Variants in PLCE1 observed in about 807,000 individuals in gnomAD.
PLCE1 encodes the protein 1-phosphatidylinositol 4,5-bisphosphate phosphodiesterase epsilon-1.
In PLCE1, 119 loss-of-function variants were observed where a neutral mutation model predicts 242.8. The ratio of observed to expected loss-of-function variants is 0.49; its 90% CI spans 0.42 to 0.57. The LOEUF is 0.57. Among genes scored for constraint, PLCE1 ranks in the 20% least tolerant of loss-of-function variants. The probability of loss-of-function intolerance (pLI) is 0.00; values close to 1 mark genes in which losing one functional copy is unlikely to be tolerated. For synonymous variants in PLCE1, 945 were observed against 1,017.4 expected (o/e 0.93, Z 1.35); for missense variants, 2,441 against 2,788.8 (o/e 0.88, Z 2.81).
rs754117196 is a variant in PLCE1 at position 94,265,957 on chromosome 10, A to G, written c.4280A>G (p.Gln1427Arg). ...KGESSVELYSQVLLQGCRSVE... is the reference protein window; with the variant it reads ...KGESSVELYSRVLLQGCRSVE... Reference sequence around the variant, plus strand: ...GAATCCTCGGTAGAACTCTACAGCCAGGTACAGGGAATGCCACTTGGAATG... The same window carrying G: ...GAATCCTCGGTAGAACTCTACAGCCGGGTACAGGGAATGCCACTTGGAATG... The change falls in exon 16 of 33, where the codon CAG (glutamine) becomes CGG (arginine). Residue 1427 changes from glutamine (Q) to arginine (R), a missense_variant and splice_region_variant. Physicochemically the swap from Gln to Arg is conservative, Grantham distance 43 (BLOSUM62 1). Transcript: ENST00000371380. 1.2e-5 allele frequency: 20 copies of G among 1,613,884 alleles called. No individual in the cohort carries two copies. The highest frequency in any genetic ancestry group is 1.6e-5 in the Non-Finnish European group (19 of 1,179,864).
chr10:94,236,715 G>C (rs1245509871), intron 7 of PLCE1, among the ~76,000 whole-genome samples: 2 of 152,106 alleles, frequency 1.3e-5, no homozygotes, highest in African/African-American at 4.8e-5. Flanking sequence ...AGTAATTCCA[G>C]TTTCTCAGAG....
chr10:93,994,172 A>T lies in PLCE1; in HGVS notation c.-451A>T, dbSNP rs2060774178. 6.6e-6 allele frequency among the ~76,000 whole-genome samples: 1 copy of T among 151,906 alleles called. No homozygotes were observed. Among genetic ancestry groups the T allele is most frequent in the African/African-American group, 2.4e-5 (1 of 41,394 alleles). The stretch of plus-strand genomic sequence containing the variant: ...TGACACACAGTAGCGGGGACACCCG[A>T]CGCCGCTAGCGACAGGCGCGCGGAC... On this transcript the variant is annotated 5_prime_UTR_variant, in exon 1 of 33. Coordinates refer to ENST00000371380, the MANE Select transcript of PLCE1 (RefSeq NM_016341.4).
intron 8 of PLCE1, among the ~76,000 whole-genome samples, chr10:94,247,802 C>T (rs1564826437): frequency 6.6e-6 from 1 of 152,102 alleles, no homozygotes; most frequent in Non-Finnish European, 1.5e-5. Flanking sequence ...AGCGTGGCAA[C>T]AGGGCTGGGC....
chr10:94,121,760 C>G (rs1383235729), intron 2 of PLCE1, among the ~76,000 whole-genome samples: 1 of 152,102 alleles, frequency 6.6e-6, no homozygotes, highest in African/African-American at 2.4e-5. Context: ...CTCTGCTGTC[C>G]CATCTCTGCT....
chr10:94,153,660 C>T (rs1272367562), intron 3 of PLCE1, among the ~76,000 whole-genome samples: 1 of 152,116 alleles, frequency 6.6e-6, no homozygotes, highest in Non-Finnish European at 1.5e-5. Context: ...CACTAAAACA[C>T]TATTAGAATT....
chr10:94,233,962 T>C, intron 5 of PLCE1, 92 bp from the exon 6 acceptor site: 1 of 1,198,814 alleles, frequency 8.3e-7, no homozygotes, highest in Non-Finnish European at 1.2e-6. Flanking sequence ...AAAAAAATGG[T>C]AAAAAGAATG....
At chr10:94,137,830 T>G (rs1483716542) in intron 3 of PLCE1, 8 of 233,248 alleles carry the variant, frequency 3.4e-5, no homozygotes, top group Non-Finnish European at 7.0e-5. Flanking sequence ...CAATGAAGCT[T>G]TACCAATTCT....
At chr10:94,277,737 T>C (rs927465925) in intron 19 of PLCE1, among the ~76,000 whole-genome samples, 1 of 152,120 alleles carries the variant, frequency 6.6e-6, no homozygotes, top group African/African-American at 2.4e-5. Flanking sequence ...TCCCAAAGTT[T>C]TGAAGAACAC....
chr10:94,307,702 A>G (rs554950493), intron 26 of PLCE1, among the ~76,000 whole-genome samples: 4 of 152,226 alleles, frequency 2.6e-5, no homozygotes, highest in African/African-American at 9.6e-5. Context: ...CCCTCTTCTC[A>G]TAAGGACACC....
intron 3 of PLCE1, among the ~76,000 whole-genome samples, chr10:94,134,480 C>T (rs2046704846): frequency 6.6e-6 from 1 of 152,198 alleles, no homozygotes; most frequent in African/African-American, 2.4e-5. Flanking sequence ...AGATGGGTTT[C>T]TCACCACAAA....
intron 1 of PLCE1, among the ~76,000 whole-genome samples, chr10:94,000,417 T>A (rs2060911136): frequency 6.6e-6 from 1 of 152,230 alleles, no homozygotes; most frequent in South Asian, 2.1e-4. Flanking sequence ...GTAACAGTAG[T>A]ACCTATCAAA....
Position 94,321,905 on chromosome 10 carries a change from T to C in PLCE1, c.6347T>C (p.Leu2116Pro). The change falls in exon 30 of 33, where the codon CTA (leucine) becomes CCA (proline). Residue 2116 changes from leucine to proline, a missense_variant. By Grantham distance (98) the Leu-to-Pro change is moderately conservative (BLOSUM62 -3). Coordinates refer to ENST00000371380, the MANE Select transcript of PLCE1 (RefSeq NM_016341.4). Reference protein sequence around the residue: ...RIVLKTQQENLEEKNIVQDDK... With the variant: ...RIVLKTQQENPEEKNIVQDDK... The stretch of plus-strand genomic sequence containing the variant: ...ATTTTTTCTTTTTAAACATAGAACC[T>C]AGAAGAGAAAAACATTGTTCAAGAT... 6.2e-7 allele frequency: 1 copy of C among 1,612,450 alleles called. No homozygotes were observed. Among genetic ancestry groups the C allele is most frequent in the South Asian group, 1.1e-5 (1 of 91,052 alleles).
intron 5 of PLCE1, among the ~76,000 whole-genome samples, chr10:94,233,017 C>A (rs896387828): frequency 6.6e-6 from 1 of 152,218 alleles, no homozygotes; most frequent in African/African-American, 2.4e-5. Context: ...AGCTCTCCCA[C>A]AATTCCCCCC....
At chr10:94,006,379 G>A (rs531108620) in intron 1 of PLCE1, among the ~76,000 whole-genome samples, 1 of 152,218 alleles carries the variant, frequency 6.6e-6, no homozygotes, top group Non-Finnish European at 1.5e-5. Flanking sequence ...AGAAGGTAAG[G>A]ATCCATGAAA....
chr10:94,210,044 G>A (rs971594698), intron 4 of PLCE1, among the ~76,000 whole-genome samples: 4 of 151,948 alleles, frequency 2.6e-5, no homozygotes, highest in Non-Finnish European at 5.9e-5. Context: ...CCTACCCTAC[G>A]CATCTAGTAC....
chr10:94,283,645 C>T, intron 20 of PLCE1, 145 bp from the exon 21 acceptor site: 1 of 829,596 alleles, frequency 1.2e-6, no homozygotes, highest in Non-Finnish European at 2.0e-6. Flanking sequence ...TGCTTCAAGC[C>T]ATCATTTTGT....
rs576080822 is a variant in PLCE1, at chr10:94,237,898, ATCTGGCTGAAACAGAGAC to A, written c.2420+1782_2420+1799del. Among the ~76,000 whole-genome samples the A allele has an allele frequency of 6.6e-5, 10 of 152,262 alleles. No individual in the cohort carries two copies. In the South Asian group the frequency reaches 1.9e-3, roughly 28 times the overall value. On this transcript the variant is annotated intron_variant, in intron 7 of 32. Coordinates refer to ENST00000371380, the MANE Select transcript of PLCE1 (RefSeq NM_016341.4). ...AGCCCATAGGAACTATGCTTTGTTGATCTGGCTGAAACAGAGACTCTACAAACAGCAACCTCTAGCCCC... is the reference window on the plus strand; with the variant it reads ...AGCCCATAGGAACTATGCTTTGTTGATCTACAAACAGCAACCTCTAGCCCC...
chr10:94,308,825 T>A, intron 27 of PLCE1, 126 bp downstream of exon 27: 1 of 770,770 alleles, frequency 1.3e-6, no homozygotes, highest in Non-Finnish European at 2.4e-6. Flanking sequence ...TTAATAACAA[T>A]AATGGCTGAC....
rs949223032 is a variant in PLCE1, at chr10:94,005,895, G to C, written c.-365+11637G>C. 3.3e-5 allele frequency among the ~76,000 whole-genome samples: 5 copies of C among 152,248 alleles called. No individual in the cohort carries two copies. In the East Asian group the frequency reaches 9.6e-4, roughly 29 times the overall value. ...TGTATGTGTGCCCTATGAAGCCAAG[G>C]CCAGGGACTTTTGTTGGTTGTTCAT... On this transcript the variant is annotated intron_variant, in intron 1 of 32. Transcript: ENST00000371380.
Sources: allele counts gnomAD v4.1 joint callset (sites outside exome capture counted in the v4.1 genomes callset), GRCh38; gene constraint gnomAD v4.1.1; transcripts MANE v1.5; gene names NCBI Gene and HGNC (gene_info 2026-07-23, HGNC 2026-07-21).